The following PEX5L variants were observed in gnomAD, a reference collection of about 807,000 sequenced individuals.
PEX5L encodes PEX5-related protein.
A neutral mutation model predicts 84.0 loss-of-function variants in PEX5L; 30 were observed. The observed-to-expected ratio is 0.36, with a 90% CI of 0.27 to 0.48. The LOEUF is 0.48. Ranked by LOEUF, PEX5L falls within the 20% of genes least tolerant of loss-of-function variation. PEX5L has a pLI of 0.99. For missense variants in PEX5L, 533 were observed against 754.6 expected, an observed-to-expected ratio of 0.71 and a Z score of 3.44; for synonymous variants, 270 against 283.1, an observed-to-expected ratio of 0.95 and a Z score of 0.46.
intron 2 of PEX5L, among the ~76,000 whole-genome samples, chr3:179,950,985 T>C (rs1012993413): frequency 1.4e-4 from 22 of 152,208 alleles, no homozygotes; most frequent in African/African-American, 5.1e-4. Flanking sequence ...CTCTACAAGA[T>C]GTAAGTCCTG....
intron 8 of PEX5L, among the ~76,000 whole-genome samples, chr3:179,836,292 G>A (rs933271302): frequency 3.3e-5 from 5 of 152,174 alleles, no homozygotes; most frequent in Non-Finnish European, 7.3e-5. Context: ...TGGAACATAA[G>A]TGCTCAACAA....
chr3:179,970,832 T>C (rs1046300665), intron 2 of PEX5L, among the ~76,000 whole-genome samples: 1 of 152,170 alleles, frequency 6.6e-6, no homozygotes, highest in Non-Finnish European at 1.5e-5. Flanking sequence ...TATTTCTCTC[T>C]CTACAGCTTT....
chr3:179,840,191 T>TG (rs1354335421), intron 8 of PEX5L, among the ~76,000 whole-genome samples: 2 of 141,818 alleles, frequency 1.4e-5, no homozygotes, highest in African/African-American at 5.3e-5. Context: ...GTGTTTTTTT[T>TG]TTTTTTTTTT....
chr3:179,869,279 C>T (rs770980767), intron 7 of PEX5L, among the ~76,000 whole-genome samples: 2 of 152,148 alleles, frequency 1.3e-5, no homozygotes, highest in African/African-American at 2.4e-5. Context: ...TTTTCTTTTG[C>T]CTCACTAATC....
intron 1 of PEX5L, among the ~76,000 whole-genome samples, chr3:180,032,634 G>A (rs186364000): frequency 1.7e-4 from 26 of 152,260 alleles, no homozygotes; most frequent in East Asian, 1.5e-3. Context: ...CGCGTGGATC[G>A]CTTCAACTCA....
At chr3:179,849,825 A>T (rs1267412778) in intron 8 of PEX5L, among the ~76,000 whole-genome samples, 1 of 152,236 alleles carries the variant, frequency 6.6e-6, no homozygotes, top group Admixed American at 6.5e-5. Flanking sequence ...TCCAGAATGC[A>T]GATCGTGGAT....
At chr3:179,856,852 A>C (rs1239704346) in intron 8 of PEX5L, among the ~76,000 whole-genome samples, 1 of 152,210 alleles carries the variant, frequency 6.6e-6, no homozygotes, top group Non-Finnish European at 1.5e-5. Flanking sequence ...TTTTACTTGA[A>C]GACATAAACT....
At chr3:179,895,937 A>C (rs528246562) in intron 3 of PEX5L, among the ~76,000 whole-genome samples, 120 of 152,272 alleles carry the variant, frequency 7.9e-4, no homozygotes, top group African/African-American at 2.8e-3. Context: ...AAGATGAATC[A>C]ATGTATTCAG....
At chr3:179,925,333 C>G (rs1466749109) in intron 2 of PEX5L, among the ~76,000 whole-genome samples, 1 of 149,564 alleles carries the variant, frequency 6.7e-6, no homozygotes, top group Non-Finnish European at 1.5e-5. Flanking sequence ...CCATCATGCC[C>G]TATCCATAAA....
At chr3:179,832,895 G>A (rs1428440613) in intron 8 of PEX5L, among the ~76,000 whole-genome samples, 4 of 150,646 alleles carry the variant, frequency 2.7e-5, no homozygotes, top group East Asian at 2.0e-4. Context: ...TTACCCACCC[G>A]CCCACCTACC....
At chr3:179,813,529 T>C (rs1278053054) in intron 10 of PEX5L, among the ~76,000 whole-genome samples, 1 of 152,166 alleles carries the variant, frequency 6.6e-6, no homozygotes, top group Non-Finnish European at 1.5e-5. Flanking sequence ...GACAGGGTCT[T>C]GCTCTGTCAC....
chr3:180,005,716 G>A (rs979412006), intron 1 of PEX5L, among the ~76,000 whole-genome samples: 3 of 146,676 alleles, frequency 2.0e-5, no homozygotes, highest in South Asian at 2.2e-4. Flanking sequence ...GCGACAGAGC[G>A]AGACTCTGTC....
intron 1 of PEX5L, among the ~76,000 whole-genome samples, chr3:180,016,731 T>C (rs1200925927): frequency 6.6e-6 from 1 of 152,232 alleles, no homozygotes; most frequent in Non-Finnish European, 1.5e-5. Flanking sequence ...ACCTTTCTGA[T>C]GTAAATCTAT....
chr3:179,963,220 T>G (rs1291820248), intron 2 of PEX5L, among the ~76,000 whole-genome samples: 2 of 131,238 alleles, frequency 1.5e-5, no homozygotes, highest in Non-Finnish European at 3.2e-5. Flanking sequence ...TACTCAACAA[T>G]GCTAGAACCT....
In PEX5L at chr3:179,954,205, G is replaced by T. The variant is rs1278284988; in HGVS notation, c.93+17389C>A. Among the ~76,000 whole-genome samples, 21 of 36,376 alleles carry T rather than the reference G, an allele frequency of 5.8e-4. No individual in the cohort carries two copies. The East Asian group carries it at 0.041, about 72-fold the overall frequency. 23.9% of individuals were successfully genotyped at this position (36,376 alleles called of 152,430 possible). ...CAAGCCCAGAAATTAACCATTAGTC[G>T]GGGGGGGGGGAAAAAGTCAGCCATG... On this transcript the variant is annotated intron_variant, in intron 2 of 14. Transcript: ENST00000467460.
chr3:179,830,846 T>C (rs891914750), intron 8 of PEX5L, among the ~76,000 whole-genome samples: 4 of 152,172 alleles, frequency 2.6e-5, no homozygotes, highest in Non-Finnish European at 5.9e-5. Flanking sequence ...AGAACTGTTT[T>C]CCACAGATCC....
intron 8 of PEX5L, among the ~76,000 whole-genome samples, chr3:179,837,773 C>T (rs1371928697): frequency 3.9e-5 from 6 of 152,182 alleles, no homozygotes; most frequent in Non-Finnish European, 5.9e-5. Flanking sequence ...TTGTTGCACA[C>T]GGATAAATAC....
intron 2 of PEX5L, among the ~76,000 whole-genome samples, chr3:179,951,873 G>A (rs1779183691): frequency 6.6e-6 from 1 of 152,122 alleles, no homozygotes; most frequent in Admixed American, 6.5e-5. Context: ...TGAAAGCCAA[G>A]AAAACAAAAT....
At chr3:179,874,911 A>G (rs941778950) in intron 6 of PEX5L, among the ~76,000 whole-genome samples, 5 of 151,480 alleles carry the variant, frequency 3.3e-5, no homozygotes, top group African/African-American at 1.2e-4. Flanking sequence ...AATATGGTAC[A>G]ACTCAGGTGG....
Sources: gnomAD v4.1 joint callset for allele counts (sites outside exome capture counted in the v4.1 genomes callset) on GRCh38, gnomAD v4.1.1 for gene constraint, MANE v1.5 for transcripts, NCBI Gene and HGNC (gene_info 2026-07-23, HGNC 2026-07-21) for gene names.